The following KCNB2 variants were observed in gnomAD, a reference collection of about 807,000 sequenced individuals.
The protein encoded by KCNB2 is delayed rectifier potassium channel protein.
In KCNB2, 15 loss-of-function variants were observed where a neutral mutation model predicts 61.5. The observed-to-expected ratio is 0.24, with a 90% CI of 0.16 to 0.38. The LOEUF is 0.38. Ranked by LOEUF, KCNB2 falls within the 10% of genes least tolerant of loss-of-function variation. The pLI, the probability that KCNB2 is intolerant of heterozygous loss-of-function variation, is 1.00. For synonymous variants in KCNB2, 457 were observed against 446.0 expected (o/e 1.02, Z -0.31); for missense variants, 828 against 1,125.2 (o/e 0.74, Z 3.78).
chr8:72,607,649 T>C (rs999112177), intron 2 of KCNB2, among the ~76,000 whole-genome samples: 1 of 152,174 alleles, frequency 6.6e-6, no homozygotes, highest in Non-Finnish European at 1.5e-5. Context: ...GTTTAGAAAG[T>C]GTTTTTTAAT....
chr8:72,660,626 T>G (rs1343825048), intron 2 of KCNB2: 1 of 152,234 alleles, frequency 6.6e-6, no homozygotes, highest in Non-Finnish European at 1.5e-5. Context: ...CTGTCAGAGC[T>G]CTCAAAGTAT....
chr8:72,811,964 G>A (rs1250105232), intron 2 of KCNB2, among the ~76,000 whole-genome samples: 1 of 152,182 alleles, frequency 6.6e-6, no homozygotes, highest in African/African-American at 2.4e-5. Context: ...GCCCTCTGAT[G>A]TCAAAAGGTG....
chr8:72,787,367 A>G (rs1808859937), intron 2 of KCNB2, among the ~76,000 whole-genome samples: 9 of 152,176 alleles, frequency 5.9e-5, no homozygotes, highest in Admixed American at 5.9e-4. Flanking sequence ...ACTGTGCTCC[A>G]GCCAGGGCAA....
At chr8:72,850,752 CAG>C (rs1810087252) in intron 2 of KCNB2, among the ~76,000 whole-genome samples, 1 of 152,120 alleles carries the variant, frequency 6.6e-6, no homozygotes, top group Admixed American at 6.5e-5. Context: ...GAATGAGATG[CAG>C]AAAGTTAAGA....
At position 72,537,355 on chromosome 8, in the gene KCNB2, C is replaced by G. The variant is rs1188440394; in HGVS notation, c.-624C>G. On this transcript the variant is annotated 5_prime_UTR_variant, in exon 1 of 3. Coordinates refer to ENST00000523207, the MANE Select transcript of KCNB2 (RefSeq NM_004770.3). ...AGACACACACCCACCAAGCACCCAC[C>G]GCCCTCCGCCCTCCGCCCTCCGCCC... 9.1e-6 allele frequency: 1 copy of G among 109,342 alleles called. No individual in the cohort carries two copies. Among genetic ancestry groups the G allele is most frequent in the Non-Finnish European group, 1.9e-5 (1 of 51,288 alleles). 6.8% of individuals were successfully genotyped at this position (109,342 alleles called of 1,614,324 possible). A position where few individuals can be genotyped will look rare whatever the true frequency, so the allele number is the denominator to read the frequency against.
At chr8:72,686,847 G>A (rs555040405) in intron 2 of KCNB2, among the ~76,000 whole-genome samples, 14 of 152,264 alleles carry the variant, frequency 9.2e-5, no homozygotes, top group Non-Finnish European at 1.3e-4. Context: ...TCAATACTTA[G>A]AATTAAATGT....
chr8:72,866,462 C>T (rs1224950817), intron 2 of KCNB2, among the ~76,000 whole-genome samples: 16 of 152,214 alleles, frequency 1.1e-4, no homozygotes, highest in Admixed American at 1.0e-3. Context: ...TAAGTTTCTA[C>T]TGAACACCTT....
At chr8:72,820,232 TTTTTATCTAGA>T (rs1809473460) in intron 2 of KCNB2, among the ~76,000 whole-genome samples, 1 of 152,196 alleles carries the variant, frequency 6.6e-6, no homozygotes, top group Non-Finnish European at 1.5e-5. Context: ...CACAAACACA[TTTTTATCTAGA>T]CAGTAAGCCC....
chr8:72,618,926 A>G, intron 2 of KCNB2: 1 of 333,118 alleles, frequency 3.0e-6, no homozygotes, highest in South Asian at 3.1e-5. Context: ...GATGAAATGG[A>G]GAAGCATCCA....
At chr8:72,906,965 G>A (rs1253551481) in intron 2 of KCNB2, among the ~76,000 whole-genome samples, 1 of 152,154 alleles carries the variant, frequency 6.6e-6, no homozygotes, top group African/African-American at 2.4e-5. Context: ...AGTAAAAATA[G>A]GTACTTACTG....
chr8:72,757,235 A>G lies in KCNB2; in HGVS notation c.580-178700A>G, dbSNP rs540201113. 3.3e-5 allele frequency among the ~76,000 whole-genome samples: 5 copies of G among 152,302 alleles called. No homozygotes were observed. The East Asian group carries it at 7.7e-4, about 24-fold the overall frequency. Reference sequence around the variant, plus strand: ...TCAGGAGGAGAACTCAGCAGGTCCAATGCTGCTGCTAGATCCAGTATGGTG... The same window carrying G: ...TCAGGAGGAGAACTCAGCAGGTCCAGTGCTGCTGCTAGATCCAGTATGGTG... On this transcript the variant is annotated intron_variant, in intron 2 of 2. Transcript: ENST00000523207.
At chr8:72,799,674 G>A (rs181403983) in intron 2 of KCNB2, among the ~76,000 whole-genome samples, 1 of 152,182 alleles carries the variant, frequency 6.6e-6, no homozygotes, top group East Asian at 1.9e-4. Context: ...AGGAAAAGAA[G>A]GACAAGTGAC....
Position 72,568,190 on chromosome 8 carries a change from G to T in KCNB2, c.456G>T (p.Leu152=), listed in dbSNP as rs557032658. Residue 152 remains leucine (L), a synonymous_variant, in exon 2 of 3, where the codon CTG becomes CTT. Coordinates refer to ENST00000523207, the MANE Select transcript of KCNB2 (RefSeq NM_004770.3). ...HQKKEQMNEE[L]RREAETMRER... Reference sequence around the variant, plus strand: ...AAAAAGAACAAATGAACGAAGAACTGAGGCGAGAGGCAGAGACTATGCGAG... The same window carrying T: ...AAAAAGAACAAATGAACGAAGAACTTAGGCGAGAGGCAGAGACTATGCGAG... The T allele has an allele frequency of 1.2e-6, 2 of 1,614,160 alleles. No individual in the cohort carries two copies. Among genetic ancestry groups the T allele is most frequent in the African/African-American group, 2.7e-5 (2 of 75,020 alleles).
At chr8:72,589,345 T>TAAAAAAAG (rs1318186905) in intron 2 of KCNB2, among the ~76,000 whole-genome samples, 3 of 151,382 alleles carry the variant, frequency 2.0e-5, no homozygotes, top group African/African-American at 7.3e-5. Context: ...GAGAAAAGTC[T>TAAAAAAAG]AAAAAAAGAA....
At chr8:72,702,334 G>C (rs1807146505) in intron 2 of KCNB2, among the ~76,000 whole-genome samples, 1 of 152,102 alleles carries the variant, frequency 6.6e-6, no homozygotes, top group Admixed American at 6.6e-5. Context: ...CTGAGACCAA[G>C]ACATAGAGGA....
At chr8:72,646,541 C>A (rs1806131534) in intron 2 of KCNB2, among the ~76,000 whole-genome samples, 1 of 152,054 alleles carries the variant, frequency 6.6e-6, no homozygotes, top group Non-Finnish European at 1.5e-5. Context: ...TGTATTTAGC[C>A]TTAAAAAGGA....
Position 72,916,319 on chromosome 8 carries a change from A to G in KCNB2, c.580-19616A>G, listed in dbSNP as rs544029694. On this transcript the variant is annotated intron_variant, in intron 2 of 2. Coordinates refer to ENST00000523207, the MANE Select transcript of KCNB2 (RefSeq NM_004770.3). ...CCTTCGTGGGCAGGAACTGGAGTGC[A>G]CAGATGCTGGAACTAGCCAGCTGCT... Among the ~76,000 whole-genome samples, 16 of 152,320 alleles carry G rather than the reference A, an allele frequency of 1.1e-4. No individual in the cohort carries two copies. The South Asian group carries it at 3.3e-3, about 32-fold the overall frequency.
chr8:72,679,017 G>T (rs1435219093), intron 2 of KCNB2, among the ~76,000 whole-genome samples: 1 of 151,974 alleles, frequency 6.6e-6, no homozygotes, highest in Non-Finnish European at 1.5e-5. Flanking sequence ...CCCATCACAT[G>T]GTCAATGAAT....
At position 72,537,371 on chromosome 8, in the gene KCNB2, C is replaced by CCCCCGCGGCCG. The variant is rs1455175328; in HGVS notation, c.-606_-605insCCGCGGCCGCC. ...AGCACCCACCGCCCTCCGCCCTCCG[C>CCCCCGCGGCCG]CCTCCGCCCCCGCGGCCGCCGCCGC... On this transcript the variant is annotated 5_prime_UTR_variant, in exon 1 of 3. Transcript: ENST00000523207. 7.2e-5 allele frequency: 11 copies of CCCCCGCGGCCG among 152,882 alleles called. No homozygotes were observed. The highest frequency in any genetic ancestry group is 8.8e-5 in the Non-Finnish European group (6 of 68,220). The allele number at this position is 152,882 out of a possible 1,614,324, so 9.5% of individuals were successfully genotyped here.
Sources: gnomAD v4.1 joint callset for allele counts (sites outside exome capture counted in the v4.1 genomes callset) on GRCh38, gnomAD v4.1.1 for gene constraint, MANE v1.5 for transcripts, NCBI Gene and HGNC (gene_info 2026-07-23, HGNC 2026-07-21) for gene names.